Variants in GPHN observed in about 807,000 individuals in gnomAD.
GPHN encodes the protein gephyrin.
In GPHN, 17 loss-of-function variants were observed where a neutral mutation model predicts 95.5. The observed-to-expected ratio is 0.18, with a 90% CI of 0.12 to 0.27. The LOEUF (loss-of-function observed/expected upper bound fraction) is 0.27, where lower values mean the gene tolerates loss of function less well. Ranked by LOEUF, GPHN falls within the 10% of genes least tolerant of loss-of-function variation. The probability of loss-of-function intolerance (pLI) is 1.00; values close to 1 mark genes in which losing one functional copy is unlikely to be tolerated. For synonymous variants in GPHN, 320 were observed against 322.5 expected (o/e 0.99, Z 0.08); for missense variants, 660 against 978.1 (o/e 0.67, Z 4.34).
the GPHN span, among the ~76,000 whole-genome samples, chr14:67,328,428 A>G: frequency 6.6e-6 from 1 of 152,294 alleles, no homozygotes; most frequent in East Asian, 1.9e-4. Flanking sequence ...CCCATTCTGT[A>G]GGTTGCCTAT....
At chr14:67,256,212 ATTC>A in the GPHN span, among the ~76,000 whole-genome samples, 1 of 152,212 alleles carries the variant, frequency 6.6e-6, no homozygotes, top group Non-Finnish European at 1.5e-5. Context: ...TATTGTATAT[ATTC>A]TTCTGAATAT....
chr14:67,107,800 G>A lies in GPHN; in HGVS notation c.1294-2340G>A, dbSNP rs1348156953. 3.9e-5 allele frequency among the ~76,000 whole-genome samples: 6 copies of A among 152,102 alleles called. No individual in the cohort carries two copies. The South Asian group carries it at 1.0e-3, about 26-fold the overall frequency. ...AATGACTCAACTCCCCAGAGAGGGG[G>A]GTATCTCAGCAGCTCAGACTCTAAG... On this transcript the variant is annotated intron_variant, in intron 13 of 22. Transcript: ENST00000478722.
At chr14:66,555,986 C>A (rs932794043) in intron 1 of GPHN, among the ~76,000 whole-genome samples, 2 of 152,060 alleles carry the variant, frequency 1.3e-5, no homozygotes, top group African/African-American at 4.8e-5. Flanking sequence ...GATAGTATAG[C>A]CTACTACACA....
chr14:67,365,092 C>T, the GPHN span: 1 of 1,364,642 alleles, frequency 7.3e-7, no homozygotes, highest in Non-Finnish European at 9.7e-7. Context: ...TTGCAAGCTG[C>T]AGCTTAAAAA....
chr14:67,640,215 T>G, the GPHN span, among the ~76,000 whole-genome samples: 1 of 152,216 alleles, frequency 6.6e-6, no homozygotes, highest in South Asian at 2.1e-4. Context: ...CTCCTACCCC[T>G]GCTCTGCTAC....
rs902200223 is a variant in GPHN at position 66,508,545 on chromosome 14, G to A, written c.18G>A (p.Met6Ile). MATEGMILTNHDHQIR... is the reference protein window; with the variant it reads MATEGIILTNHDHQIR... ...TGGGAAACATGGCGACCGAGGGAATGATCCTTACTAACCACGACCATCAAA... is the reference window on the plus strand; with the variant it reads ...TGGGAAACATGGCGACCGAGGGAATAATCCTTACTAACCACGACCATCAAA... Residue 6 changes from methionine (M) to isoleucine (I), a missense_variant, in exon 1 of 23, where the codon ATG becomes ATA. Met to Ile is a conservative substitution (Grantham distance 10, BLOSUM62 1). Around this residue, in one of 6 missense-constraint regions of GPHN, gnomAD observed 92 missense variants for 91.9 expected, o/e 1.00. Transcript: ENST00000478722. 1.2e-6 allele frequency: 2 copies of A among 1,614,100 alleles called. No individual in the cohort carries two copies. Among genetic ancestry groups the A allele is most frequent in the Non-Finnish European group, 1.7e-6 (2 of 1,179,938 alleles).
At chr14:67,327,893 T>C in the GPHN span, among the ~76,000 whole-genome samples, 9 of 151,928 alleles carry the variant, frequency 5.9e-5, no homozygotes, top group African/African-American at 2.2e-4. Flanking sequence ...TATCATTGAT[T>C]TGGGTTGGTT....
chr14:66,587,629 C>G (rs2061475714), intron 1 of GPHN, among the ~76,000 whole-genome samples: 1 of 152,254 alleles, frequency 6.6e-6, no homozygotes, highest in Admixed American at 6.5e-5. Flanking sequence ...AAAAATATGG[C>G]TATCTGAATA....
At chr14:67,279,318 A>G in the GPHN span, 11 of 1,613,878 alleles carry the variant, frequency 6.8e-6, no homozygotes, top group Admixed American at 1.7e-5. Flanking sequence ...GATGATGCCA[A>G]TACGTCGAAG....
chr14:67,666,874 C>G, the GPHN span, among the ~76,000 whole-genome samples: 1 of 152,174 alleles, frequency 6.6e-6, no homozygotes, highest in East Asian at 1.9e-4. Flanking sequence ...CATTTTTGTG[C>G]TCCCAGAGTA....
chr14:67,327,082 G>A, the GPHN span, among the ~76,000 whole-genome samples: 7 of 152,178 alleles, frequency 4.6e-5, no homozygotes, highest in South Asian at 2.1e-4. Flanking sequence ...GGCTGAGGCC[G>A]GAGAATCACT....
the GPHN span, chr14:67,392,198 G>A: frequency 2.9e-6 from 2 of 689,062 alleles, no homozygotes; most frequent in Non-Finnish European, 5.2e-6. Context: ...CTGGGCTCTT[G>A]CTTTCGTAGA....
intron 2 of GPHN, among the ~76,000 whole-genome samples, chr14:66,710,796 C>T (rs1462717304): frequency 6.6e-6 from 1 of 152,076 alleles, no homozygotes; most frequent in African/African-American, 2.4e-5. Context: ...CATCTGTAAA[C>T]TTGGGAGAGT....
the GPHN span, chr14:67,542,019 C>G: frequency 6.4e-7 from 1 of 1,571,832 alleles, no homozygotes; most frequent in Non-Finnish European, 8.6e-7. Flanking sequence ...CAGGGAGCTG[C>G]CTCTCCACAC....
chr14:67,492,220 C>G, the GPHN span, among the ~76,000 whole-genome samples: 177 of 152,302 alleles, frequency 1.2e-3, 1 homozygote, highest in African/African-American at 4.2e-3. Context: ...CATTCCCACC[C>G]CCGGCAATCA....
At chr14:67,428,812 C>G in the GPHN span, among the ~76,000 whole-genome samples, 3 of 152,210 alleles carry the variant, frequency 2.0e-5, no homozygotes, top group African/African-American at 7.2e-5. Context: ...TCCTGAAGCT[C>G]TCCCCACTGC....
chr14:67,574,195 C>T, the GPHN span: 4 of 1,513,998 alleles, frequency 2.6e-6, no homozygotes, highest in Non-Finnish European at 3.5e-6. This position sits in a 1 kb window ranked among gnomAD's most constrained non-coding sequence, Gnocchi z 4.2. Context: ...CCTGGTTACT[C>T]CATTCTCCCA....
At chr14:66,905,187 CT>C (rs1185638962) in intron 5 of GPHN, among the ~76,000 whole-genome samples, 1 of 152,074 alleles carries the variant, frequency 6.6e-6, no homozygotes, top group Non-Finnish European at 1.5e-5. Flanking sequence ...ACTCTTTCCT[CT>C]GCTTGATCCA....
chr14:67,070,694 C>CAAAA (rs34577444), intron 11 of GPHN, among the ~76,000 whole-genome samples: 6 of 64,382 alleles, frequency 9.3e-5, no homozygotes, highest in East Asian at 1.5e-3. Flanking sequence ...GACTTCATCT[C>CAAAA]AAAAAAAAAA....
Sources: allele counts gnomAD v4.1 joint callset (sites outside exome capture counted in the v4.1 genomes callset), GRCh38; gene constraint gnomAD v4.1.1; regional missense constraint gnomAD v4.1.1; non-coding constraint Gnocchi (gnomAD v3.1); transcripts MANE v1.5; gene names NCBI Gene and HGNC (gene_info 2026-07-23, HGNC 2026-07-21).